Variants in ZNF609 observed in about 807,000 individuals in gnomAD.
ZNF609 encodes the protein zinc finger protein 609.
In ZNF609, 11 loss-of-function variants were observed where a neutral mutation model predicts 109.5. The observed-to-expected ratio is 0.10, with a 90% CI of 0.06 to 0.17. ZNF609 has a LOEUF of 0.17. Among genes scored for constraint, ZNF609 ranks in the 10% least tolerant of loss-of-function variants. ZNF609 has a pLI of 1.00. For synonymous variants in ZNF609, 646 were observed against 662.0 expected, an observed-to-expected ratio of 0.98 and a Z score of 0.37; for missense variants, 1,559 against 1,772.4, an observed-to-expected ratio of 0.88 and a Z score of 2.16.
At chr15:64,666,895 G>A (rs970107721) in intron 3 of ZNF609, among the ~76,000 whole-genome samples, 1 of 151,796 alleles carries the variant, frequency 6.6e-6, no homozygotes, top group Non-Finnish European at 1.5e-5. Context: ...TGGGGAGGCC[G>A]AGGCGGGCGG....
At chr15:64,562,065 T>TTATAAA (rs1035728800) in intron 2 of ZNF609, among the ~76,000 whole-genome samples, 1 of 152,220 alleles carries the variant, frequency 6.6e-6, no homozygotes, top group Non-Finnish European at 1.5e-5. Flanking sequence ...TTTTTGAGTT[T>TTATAAA]TATAAATCTC....
In ZNF609 at chr15:64,666,088, A is replaced by AG. The variant is rs113392387; in HGVS notation, c.974-4258_974-4257insG. 2.0e-5 allele frequency among the ~76,000 whole-genome samples: 3 copies of AG among 147,634 alleles called. No homozygotes were observed. The East Asian group carries it at 5.9e-4, about 29-fold the overall frequency. On this transcript the variant is annotated intron_variant, in intron 3 of 9. Transcript: ENST00000326648. ...AGACTTCGTCTCAAAAAAAAAAAAA[A>AG]ACACACACACACAAATAAAAATAAA...
At chr15:64,557,898 G>C (rs1206182781) in intron 2 of ZNF609, among the ~76,000 whole-genome samples, 10 of 151,930 alleles carry the variant, frequency 6.6e-5, no homozygotes, top group African/African-American at 2.4e-4. Context: ...GGGTTTTACT[G>C]TGGTCTCGAT....
chr15:64,591,443 A>G (rs529766576), intron 2 of ZNF609, among the ~76,000 whole-genome samples: 2 of 152,170 alleles, frequency 1.3e-5, no homozygotes, highest in South Asian at 4.2e-4. Context: ...ACAAACAAAC[A>G]AACAAACAAA....
intron 1 of ZNF609, among the ~76,000 whole-genome samples, chr15:64,468,352 T>C (rs1001283162): frequency 3.1e-4 from 47 of 151,996 alleles, no homozygotes; most frequent in African/African-American, 1.1e-3. Flanking sequence ...GGTCTCACTC[T>C]GTTGCCTAGG....
intron 2 of ZNF609, among the ~76,000 whole-genome samples, chr15:64,584,876 C>G (rs1006267164): frequency 1.3e-5 from 2 of 151,226 alleles, no homozygotes; most frequent in Non-Finnish European, 2.9e-5. Context: ...ATCCACCCGT[C>G]TCAGCCTCCC....
At chr15:64,642,308 C>T (rs1179373631) in intron 3 of ZNF609, among the ~76,000 whole-genome samples, 1 of 152,134 alleles carries the variant, frequency 6.6e-6, no homozygotes, top group African/African-American at 2.4e-5. Flanking sequence ...CTCAACTTCT[C>T]AAGTAGCTGG....
At chr15:64,628,481 AC>A (rs1896009584) in intron 3 of ZNF609, among the ~76,000 whole-genome samples, 1 of 151,408 alleles carries the variant, frequency 6.6e-6, no homozygotes. Flanking sequence ...ATATGGTGAA[AC>A]CCCGTCTCTA....
chr15:64,492,520 A>G (rs1893428097), intron 1 of ZNF609, among the ~76,000 whole-genome samples: 1 of 152,150 alleles, frequency 6.6e-6, no homozygotes, highest in Non-Finnish European at 1.5e-5. Context: ...GTTGGGTCAT[A>G]TATTTTCGAG....
intron 2 of ZNF609, among the ~76,000 whole-genome samples, chr15:64,521,416 A>G (rs1893889719): frequency 6.6e-6 from 1 of 151,940 alleles, no homozygotes; most frequent in East Asian, 1.9e-4. Context: ...GGGAGCTTGG[A>G]CCTGGTCTCT....
rs201697432 is a variant in ZNF609 at position 64,632,208 on chromosome 15, A to G, written c.973+9156A>G. On this transcript the variant is annotated intron_variant, in intron 3 of 9. Transcript: ENST00000326648. ...AGTAGGACCACCAGAGCATGTCACC[A>G]TGCCTGGGTAGTTAAAATTTTTTTT... Among the ~76,000 whole-genome samples, 44 of 152,058 alleles carry G rather than the reference A, an allele frequency of 2.9e-4. 1 individual carries two copies. In the East Asian group the frequency reaches 8.4e-3, roughly 29 times the overall value.
At chr15:64,553,552 A>T (rs1213008802) in intron 2 of ZNF609, among the ~76,000 whole-genome samples, 1 of 150,980 alleles carries the variant, frequency 6.6e-6, no homozygotes, top group Non-Finnish European at 1.5e-5. Context: ...ATAATTTTTT[A>T]ATTTTAATTT....
At chr15:64,530,961 A>C (rs1894051868) in intron 2 of ZNF609, among the ~76,000 whole-genome samples, 1 of 152,236 alleles carries the variant, frequency 6.6e-6, no homozygotes, top group Non-Finnish European at 1.5e-5. Flanking sequence ...AAGAGACCTG[A>C]GCTCACAATA....
At chr15:64,658,640 A>G (rs971859841) in intron 3 of ZNF609, among the ~76,000 whole-genome samples, 6 of 152,112 alleles carry the variant, frequency 3.9e-5, no homozygotes, top group Middle Eastern at 3.4e-3. Flanking sequence ...TAATCTGACA[A>G]TAGCGTATAT....
chr15:64,679,033 G>T (rs1331755824), intron 6 of ZNF609, among the ~76,000 whole-genome samples: 1 of 152,204 alleles, frequency 6.6e-6, no homozygotes, highest in East Asian at 1.9e-4. Context: ...GCTAGATTCA[G>T]CTTGGAAAAG....
intron 2 of ZNF609, among the ~76,000 whole-genome samples, chr15:64,537,115 C>T (rs1446381397): frequency 4.0e-5 from 6 of 151,306 alleles, no homozygotes; most frequent in Non-Finnish European, 7.4e-5. Context: ...CCCAGCTACT[C>T]GGGAGGCTGA....
At chr15:64,543,010 G>T (rs1432577693) in intron 2 of ZNF609, among the ~76,000 whole-genome samples, 1 of 152,210 alleles carries the variant, frequency 6.6e-6, no homozygotes, top group Non-Finnish European at 1.5e-5. Flanking sequence ...GGGGCAAGGG[G>T]AGGGAGAGCA....
intron 1 of ZNF609, among the ~76,000 whole-genome samples, chr15:64,479,285 T>TTG (rs1241276588): frequency 1.8e-4 from 1 of 5,500 alleles, no homozygotes; most frequent in Non-Finnish European, 4.6e-4. Flanking sequence ...ACCTGTGTGA[T>TTG]TTTTTTTTTT....
At chr15:64,591,724 A>T (rs1027039996) in intron 2 of ZNF609, among the ~76,000 whole-genome samples, 25 of 142,680 alleles carry the variant, frequency 1.8e-4, no homozygotes, top group African/African-American at 2.6e-4. Flanking sequence ...ACTAAAAATA[A>T]TTTTTTTTTT....
Sources: gnomAD v4.1 joint callset for allele counts (sites outside exome capture counted in the v4.1 genomes callset) on GRCh38, gnomAD v4.1.1 for gene constraint, MANE v1.5 for transcripts, NCBI Gene and HGNC (gene_info 2026-07-23, HGNC 2026-07-21) for gene names.